The following UGT1A10 variants were observed in gnomAD, a reference collection of about 807,000 sequenced individuals.
The protein encoded by UGT1A10 is UDP glucuronosyltransferase family 1 member A10, also known as UDP-glucuronosyltransferase 1A10.
UGT1A10 carries 49 observed loss-of-function variants against 45.8 expected under a neutral mutation model. The ratio of observed to expected loss-of-function variants is 1.07; its 90% CI spans 0.85 to 1.36. UGT1A10 has a LOEUF of 1.36. Ranked by LOEUF, UGT1A10 falls within the 40% of genes most tolerant of loss-of-function variation. UGT1A10 has a pLI of 0.00. For synonymous variants in UGT1A10, 284 were observed against 249.7 expected (o/e 1.14, Z -1.29); for missense variants, 745 against 668.6 (o/e 1.11, Z -1.26).
chr2:233,707,958 C>T (rs1010102150), intron 1 of UGT1A10, among the ~76,000 whole-genome samples: 9 of 152,110 alleles, frequency 5.9e-5, no homozygotes, highest in Admixed American at 2.6e-4. Flanking sequence ...CCTCTTTTGC[C>T]CATTCAAGTC....
At chr2:233,713,708 T>C in intron 1 of UGT1A10, 4 of 1,613,978 alleles carry the variant, frequency 2.5e-6, no homozygotes, top group Non-Finnish European at 3.4e-6. Context: ...CTGAGCTTTT[T>C]CAGAGAGAGG....
At chr2:233,693,700 C>T (rs536034017) in intron 1 of UGT1A10, 39 of 1,614,174 alleles carry the variant, frequency 2.4e-5, no homozygotes, top group Non-Finnish European at 2.7e-5. Flanking sequence ...ATGAAGAACT[C>T]GCATCAGCTG....
chr2:233,657,545 T>G (rs540664686), intron 1 of UGT1A10, among the ~76,000 whole-genome samples: 8 of 152,268 alleles, frequency 5.3e-5, no homozygotes, highest in Admixed American at 5.2e-4. Flanking sequence ...AAAAACATAC[T>G]AGGTCATTTG....
intron 1 of UGT1A10, among the ~76,000 whole-genome samples, chr2:233,737,102 G>T (rs992623703): frequency 6.6e-6 from 1 of 152,236 alleles, no homozygotes; most frequent in Non-Finnish European, 1.5e-5. Context: ...TAAGTCTGCT[G>T]TTCCCCACAT....
At chr2:233,668,358 A>C in intron 1 of UGT1A10, among the ~76,000 whole-genome samples, 1 of 152,184 alleles carries the variant, frequency 6.6e-6, no homozygotes, top group East Asian at 1.9e-4. Context: ...TTCCAGCTTC[A>C]TCCATGTCGC....
chr2:233,742,187 T>C (rs1222012663), intron 1 of UGT1A10, among the ~76,000 whole-genome samples: 1 of 151,602 alleles, frequency 6.6e-6, no homozygotes, highest in East Asian at 1.9e-4. Context: ...GAGTGTGGAG[T>C]GGGAAATCAG....
At chr2:233,725,886 G>T (rs2077481662) in intron 1 of UGT1A10, among the ~76,000 whole-genome samples, 1 of 152,018 alleles carries the variant, frequency 6.6e-6, no homozygotes, top group Admixed American at 6.6e-5. Context: ...ATGATTTGTA[G>T]GCAGGTGGGT....
chr2:233,661,710 T>C (rs78858023), intron 1 of UGT1A10, among the ~76,000 whole-genome samples: 1 of 136,526 alleles, frequency 7.3e-6, no homozygotes, highest in Non-Finnish European at 1.6e-5. Context: ...TCTGGATTCT[T>C]TTTTTTTTTT....
intron 1 of UGT1A10, among the ~76,000 whole-genome samples, chr2:233,657,208 G>T (rs1387874317): frequency 1.3e-5 from 2 of 152,180 alleles, no homozygotes; most frequent in East Asian, 3.8e-4. Context: ...CCTGGCTCAT[G>T]GGCTTTATTT....
intron 1 of UGT1A10, among the ~76,000 whole-genome samples, chr2:233,696,688 T>C (rs2075354948): frequency 6.6e-6 from 1 of 152,230 alleles, no homozygotes; most frequent in Admixed American, 6.5e-5. Context: ...ACAGTCAGCA[T>C]CTTTGTCTTA....
chr2:233,729,276 G>T (rs765243640), intron 1 of UGT1A10: 1 of 1,614,232 alleles, frequency 6.2e-7, no homozygotes, highest in Non-Finnish European at 8.5e-7. Flanking sequence ...TCTTGCGGGA[G>T]CTCCATGCCA....
At chr2:233,701,299 TC>T (rs1695147734) in intron 1 of UGT1A10, among the ~76,000 whole-genome samples, 1 of 152,164 alleles carries the variant, frequency 6.6e-6, no homozygotes, top group Non-Finnish European at 1.5e-5. Context: ...CGCCACACTG[TC>T]TTCCACAATG....
chr2:233,734,192 C>T (rs7567468), intron 1 of UGT1A10, among the ~76,000 whole-genome samples: 44,730 of 151,966 alleles, frequency 0.29, 6,702 homozygotes, highest in South Asian at 0.39. Context: ...ATTATTGCCT[C>T]AATTTCAGAG....
At position 233,772,525 on chromosome 2, in the gene UGT1A10, G is replaced by T; in HGVS notation, c.1559G>T (p.Arg520Leu). The change falls in exon 5 of 5, where the codon CGA becomes CTA. Residue 520 changes from arginine (R) to leucine (L), a missense_variant. Arg to Leu is a moderately radical substitution (Grantham distance 102). Transcript: ENST00000344644. ...CGGAAATGCTTGGGGAAAAAAGGGCGAGTTAAGAAAGCCCACAAATCCAAG... is the reference window on the plus strand; with the variant it reads ...CGGAAATGCTTGGGGAAAAAAGGGCTAGTTAAGAAAGCCCACAAATCCAAG... ...GYRKCLGKKGRVKKAHKSKTH is the reference protein window; with the variant it reads ...GYRKCLGKKGLVKKAHKSKTH 6.2e-6 allele frequency: 10 copies of T among 1,614,136 alleles called. No individual in the cohort carries two copies. The highest frequency in any genetic ancestry group is 8.5e-6 in the Non-Finnish European group (10 of 1,180,024).
At chr2:233,671,820 G>T in intron 1 of UGT1A10, 1 of 1,431,012 alleles carries the variant, frequency 7.0e-7, no homozygotes, top group Admixed American at 2.8e-5. Flanking sequence ...TTTTTTTTAT[G>T]AAAGGATAAA....
At chr2:233,667,185 A>G (rs2074097771) in intron 1 of UGT1A10, among the ~76,000 whole-genome samples, 1 of 152,172 alleles carries the variant, frequency 6.6e-6, no homozygotes, top group Non-Finnish European at 1.5e-5. Flanking sequence ...TGGCTGGGTC[A>G]AATAGTATTT....
intron 1 of UGT1A10, among the ~76,000 whole-genome samples, chr2:233,658,726 G>C (rs1213758931): frequency 6.6e-6 from 1 of 152,182 alleles, no homozygotes; most frequent in Non-Finnish European, 1.5e-5. Context: ...CTCTTGAAAA[G>C]AGTAGTCTTT....
At chr2:233,767,965 C>CAAACCAG (rs1699532267) in intron 3 of UGT1A10, 29 bp downstream of exon 3, 1 of 1,613,980 alleles carries the variant, frequency 6.2e-7, no homozygotes, top group Admixed American at 1.7e-5. Flanking sequence ...ATGTATAGGT[C>CAAACCAG]AAACCAGGGT....
chr2:233,642,228 T>C (rs2073471734), intron 1 of UGT1A10, among the ~76,000 whole-genome samples: 1 of 152,210 alleles, frequency 6.6e-6, no homozygotes, highest in Non-Finnish European at 1.5e-5. Context: ...CCTCTGACCA[T>C]GTATTTTCAA....
Sources: gnomAD v4.1 joint callset for allele counts (sites outside exome capture counted in the v4.1 genomes callset) on GRCh38, gnomAD v4.1.1 for gene constraint, MANE v1.5 for transcripts, NCBI Gene and HGNC (gene_info 2026-07-23, HGNC 2026-07-21) for gene names.